Variants in CDH4 observed in about 807,000 individuals in gnomAD.
CDH4 encodes the protein cadherin 4.
CDH4 carries 33 observed loss-of-function variants against 86.0 expected under a neutral mutation model. That is an observed-to-expected ratio of 0.38 (90% CI 0.29 to 0.51). CDH4 has a LOEUF of 0.51. Among genes scored for constraint, CDH4 ranks in the 20% least tolerant of loss-of-function variants. The pLI, the probability that CDH4 is intolerant of heterozygous loss-of-function variation, is 0.86. For missense variants in CDH4, 1,114 were observed against 1,307.4 expected (o/e 0.85, Z 2.28); for synonymous variants, 555 against 549.4 (o/e 1.01, Z -0.14).
chr20:61,712,406 G>C (rs1260863972), intron 2 of CDH4, among the ~76,000 whole-genome samples: 1 of 152,180 alleles, frequency 6.6e-6, no homozygotes, highest in East Asian at 1.9e-4. Context: ...AGCTCTGGCA[G>C]GGCCAACAGT....
At chr20:61,325,892 G>C (rs1398145817) in intron 2 of CDH4, among the ~76,000 whole-genome samples, 1 of 152,200 alleles carries the variant, frequency 6.6e-6, no homozygotes, top group African/African-American at 2.4e-5. Flanking sequence ...CAAGTGGGTT[G>C]CCTCTTTTCC....
chr20:61,319,963 A>AG (rs2084499368), intron 2 of CDH4, among the ~76,000 whole-genome samples: 1 of 152,002 alleles, frequency 6.6e-6, no homozygotes. Context: ...TAAAAAAAAA[A>AG]AAAAATGGTG....
chr20:61,817,560 G>A (rs1980785479), intron 4 of CDH4, among the ~76,000 whole-genome samples: 2 of 151,490 alleles, frequency 1.3e-5, no homozygotes, highest in African/African-American at 4.8e-5. Flanking sequence ...AGTGCAGTGG[G>A]GTATGCGCTC....
In CDH4 at chr20:61,252,533, T is replaced by G; in HGVS notation, c.20T>G (p.Val7Gly). The change falls in exon 1 of 16, where the codon GTG (valine) becomes GGG (glycine). Residue 7 changes from valine to glycine, a missense_variant. By Grantham distance (109) the Val-to-Gly change is moderately radical. This residue lies in a region of CDH4 where 221 missense variants were observed against 209.5 expected (regional missense o/e 1.05). Transcript: ENST00000614565. The surrounding 1 kb of genome is among the most constrained non-coding windows in gnomAD (Gnocchi z 4.4). MTAGAGVLLLLLSLSGA... is the reference protein window; with the variant it reads MTAGAGGLLLLLSLSGA... Reference sequence around the variant, plus strand: ...GGGAAGATGACCGCGGGCGCCGGCGTGCTCCTTCTGCTGCTCTCGCTCTCC... The same window carrying G: ...GGGAAGATGACCGCGGGCGCCGGCGGGCTCCTTCTGCTGCTCTCGCTCTCC... The G allele has an allele frequency of 8.4e-7, 1 of 1,196,872 alleles. No individual in the cohort carries two copies. The highest frequency in any genetic ancestry group is 1.0e-6 in the Non-Finnish European group (1 of 965,776). 74.1% of individuals were successfully genotyped at this position (1,196,872 alleles called of 1,614,324 possible). A position where few individuals can be genotyped will look rare whatever the true frequency, so the allele number is the denominator to read the frequency against.
intron 8 of CDH4, among the ~76,000 whole-genome samples, chr20:61,908,644 G>C (rs1017448792): frequency 6.7e-6 from 1 of 150,216 alleles, no homozygotes; most frequent in Non-Finnish European, 1.5e-5. Context: ...ACCTCACAAG[G>C]CTCCCTTCTT....
In CDH4 at chr20:61,709,466, G is replaced by T. The variant is rs913154737; in HGVS notation, c.170-34097G>T. Among the ~76,000 whole-genome samples the T allele has an allele frequency of 6.6e-6, 1 of 152,020 alleles. No homozygotes were observed. The highest frequency in any genetic ancestry group is 2.1e-4 in the South Asian group (1 of 4,826). ...TTTTTTTCTATTTTTAGGAGGGACG[G>T]GGTTTCACCATGTTGGCCAGGCTGG... On this transcript the variant is annotated intron_variant, in intron 2 of 15. Coordinates refer to ENST00000614565, the MANE Select transcript of CDH4 (RefSeq NM_001794.5). The surrounding 1 kb of genome is among the most constrained non-coding windows in gnomAD (Gnocchi z 4.8).
intron 2 of CDH4, among the ~76,000 whole-genome samples, chr20:61,446,050 G>A (rs1221657646): frequency 7.9e-5 from 12 of 152,236 alleles, no homozygotes; most frequent in Admixed American, 7.8e-4. Context: ...TGATTTAGAA[G>A]TGATGATTCC....
chr20:61,620,556 T>C (rs1337114232), intron 2 of CDH4, among the ~76,000 whole-genome samples: 1 of 151,902 alleles, frequency 6.6e-6, no homozygotes, highest in Non-Finnish European at 1.5e-5. Flanking sequence ...CAGAGATACA[T>C]GGAGAAATAA....
chr20:61,812,036 G>A lies in CDH4; in HGVS notation c.577-32632G>A, dbSNP rs115014455. On this transcript the variant is annotated intron_variant, in intron 4 of 15. Transcript: ENST00000614565. Reference sequence around the variant, plus strand: ...GAGGCCCTGTGTGGTTTTCCCATCTGCCCGCCTTCGTCTTTCCTGTTTCTC... The same window carrying A: ...GAGGCCCTGTGTGGTTTTCCCATCTACCCGCCTTCGTCTTTCCTGTTTCTC... Among the ~76,000 whole-genome samples the A allele has an allele frequency of 7.9e-3, 1,208 of 152,188 alleles. 12 individuals are homozygous for A. The highest frequency in any genetic ancestry group is 0.028 in the African/African-American group (1,144 of 41,534).
chr20:61,724,677 G>A (rs1305984153), intron 2 of CDH4, among the ~76,000 whole-genome samples: 1 of 152,170 alleles, frequency 6.6e-6, no homozygotes, highest in East Asian at 1.9e-4. Flanking sequence ...GGAAGATTCT[G>A]TCTTGTAGTC....
chr20:61,263,114 C>T (rs190437868), intron 2 of CDH4, among the ~76,000 whole-genome samples: 2 of 152,246 alleles, frequency 1.3e-5, no homozygotes, highest in East Asian at 1.9e-4. Context: ...CCGTCAAGGG[C>T]GGTAAAGTTC....
intron 1 of CDH4, among the ~76,000 whole-genome samples, chr20:61,254,142 G>T (rs1480745372): frequency 6.6e-6 from 1 of 152,186 alleles, no homozygotes; most frequent in Admixed American, 6.5e-5. Context: ...CCCCCTTTCC[G>T]GTCAGTTAGG....
chr20:61,881,859 G>C (rs1984295546), intron 7 of CDH4, among the ~76,000 whole-genome samples: 1 of 152,244 alleles, frequency 6.6e-6, no homozygotes, highest in African/African-American at 2.4e-5. Context: ...TCTGGAAAAG[G>C]GGCCTTTGCA....
intron 2 of CDH4, among the ~76,000 whole-genome samples, chr20:61,487,678 C>T (rs777356305): frequency 1.6e-4 from 25 of 152,170 alleles, no homozygotes; most frequent in Non-Finnish European, 8.8e-5. Context: ...TTAATTTGTA[C>T]TAGACCCTCA....
At chr20:61,396,057 A>G (rs542023312) in intron 2 of CDH4, among the ~76,000 whole-genome samples, 2 of 152,302 alleles carry the variant, frequency 1.3e-5, no homozygotes, top group South Asian at 4.1e-4. Flanking sequence ...AGTAAATAAT[A>G]CATAAGTTTT....
chr20:61,495,073 A>C (rs1404831793), intron 2 of CDH4, among the ~76,000 whole-genome samples: 1 of 152,250 alleles, frequency 6.6e-6, no homozygotes, highest in African/African-American at 2.4e-5. Flanking sequence ...GGGCAGGAGA[A>C]CAAGGGCAGG....
At chr20:61,870,847 G>A (rs1371397627) in intron 6 of CDH4, among the ~76,000 whole-genome samples, 1 of 152,198 alleles carries the variant, frequency 6.6e-6, no homozygotes, top group Non-Finnish European at 1.5e-5. Flanking sequence ...CTGAACGTTA[G>A]TAACACCGCC....
At chr20:61,809,941 A>C (rs1980343784) in intron 4 of CDH4, among the ~76,000 whole-genome samples, 1 of 152,176 alleles carries the variant, frequency 6.6e-6, no homozygotes, top group African/African-American at 2.4e-5. Flanking sequence ...AGGCTGTTGC[A>C]GGCAGTCAGG....
At chr20:61,886,453 A>G (rs1984542169) in intron 7 of CDH4, among the ~76,000 whole-genome samples, 1 of 152,200 alleles carries the variant, frequency 6.6e-6, no homozygotes, top group Admixed American at 6.5e-5. Context: ...GAAAATGGCC[A>G]AATCACTTTT....
Sources: gnomAD v4.1 joint callset for allele counts (sites outside exome capture counted in the v4.1 genomes callset) on GRCh38, gnomAD v4.1.1 for gene constraint, gnomAD v4.1.1 regional missense constraint, Gnocchi (gnomAD v3.1) non-coding constraint, MANE v1.5 for transcripts, NCBI Gene and HGNC (gene_info 2026-07-23, HGNC 2026-07-21) for gene names.